The following TMPRSS2 variants were observed in gnomAD, a reference collection of about 807,000 sequenced individuals.
TMPRSS2 encodes transmembrane protease serine 2.
In TMPRSS2, 59 loss-of-function variants were observed where a neutral mutation model predicts 67.4. The observed-to-expected ratio is 0.88, with a 90% confidence interval of 0.71 to 1.09. The LOEUF (loss-of-function observed/expected upper bound fraction) is 1.09. Ranked by LOEUF, TMPRSS2 falls within the 50% of genes least tolerant of loss-of-function variation. The pLI, the probability that TMPRSS2 is intolerant of heterozygous loss-of-function variation, is 0.00. For synonymous variants in TMPRSS2, 257 were observed against 257.0 expected (o/e 1.00, Z 0.00); for missense variants, 668 against 642.7 (o/e 1.04, Z -0.43).
At chr21:41,467,912 A>G (rs977233864) in intron 12 of TMPRSS2, 26 bp from the exon 13 acceptor site, 21 of 1,613,712 alleles carry the variant, frequency 1.3e-5, no homozygotes, top group Non-Finnish European at 1.8e-5. Context: ...AGGTACAGAG[A>G]GCAGAAAATC....
chr21:41,501,109 G>A (rs555671381), intron 1 of TMPRSS2, among the ~76,000 whole-genome samples: 7 of 152,244 alleles, frequency 4.6e-5, no homozygotes, highest in Non-Finnish European at 8.8e-5. Context: ...ATTCATTCAC[G>A]ATCCCTAACA....
intron 1 of TMPRSS2, among the ~76,000 whole-genome samples, chr21:41,500,263 C>T (rs1438947695): frequency 2.0e-5 from 3 of 152,200 alleles, no homozygotes; most frequent in Non-Finnish European, 4.4e-5. Context: ...TAATGAAGTG[C>T]TTCATGCTTA....
intron 3 of TMPRSS2, among the ~76,000 whole-genome samples, chr21:41,491,636 C>T (rs963268415): frequency 6.6e-5 from 10 of 152,316 alleles, no homozygotes; most frequent in South Asian, 4.1e-4. Flanking sequence ...CACTTTCCTC[C>T]GTCTATGGCT....
In TMPRSS2 at chr21:41,505,712, G is replaced by C. The variant is rs757923255; in HGVS notation, c.-57+2369C>G. Among the ~76,000 whole-genome samples, 4 of 152,146 alleles carry C rather than the reference G, an allele frequency of 2.6e-5. No individual in the cohort carries two copies. In the East Asian group the frequency reaches 7.7e-4, roughly 29 times the overall value. ...ACAAGCCCTTTTCAATCAGGATTCC[G>C]GGCGCCTTGTTTCCAGCTTCCTTCC... On this transcript the variant is annotated intron_variant, in intron 1 of 13. Transcript: ENST00000332149.
At chr21:41,469,311 G>A (rs7278739) in intron 11 of TMPRSS2, among the ~76,000 whole-genome samples, 9,677 of 83,754 alleles carry the variant, frequency 0.12, 978 homozygotes, top group African/African-American at 0.31. Context: ...ATCCACGCCC[G>A]CACTCTGCTA....
chr21:41,476,393 C>G (rs1259172429), intron 8 of TMPRSS2, among the ~76,000 whole-genome samples, 184 bp downstream of exon 8: 2 of 152,156 alleles, frequency 1.3e-5, no homozygotes, highest in Non-Finnish European at 2.9e-5. Context: ...CTGAAGGTGT[C>G]TACAGGCCAT....
intron 9 of TMPRSS2, 76 bp downstream of exon 9, chr21:41,473,249 G>A: frequency 6.8e-7 from 1 of 1,463,880 alleles, no homozygotes; most frequent in Non-Finnish European, 9.2e-7. Flanking sequence ...TGCAAGGGTT[G>A]AGACCTGCTC....
chr21:41,471,781 C>G, intron 10 of TMPRSS2, 25 bp downstream of exon 10: 1 of 1,564,294 alleles, frequency 6.4e-7, no homozygotes, highest in East Asian at 2.3e-5. Context: ...TGCCAACCTG[C>G]TTGCCAAGCC....
chr21:41,476,678 C>CA (rs1246660159), intron 7 of TMPRSS2, 58 bp from the exon 8 acceptor site: 43 of 1,451,394 alleles, frequency 3.0e-5, no homozygotes, highest in Non-Finnish European at 7.7e-6. Context: ...CTGCCTCTCA[C>CA]ATGCTTAGAA....
At chr21:41,506,400 T>G (rs1433873943) in intron 1 of TMPRSS2, 5 of 152,326 alleles carry the variant, frequency 3.3e-5, no homozygotes, top group African/African-American at 1.2e-4. Flanking sequence ...TCCAGCCTAG[T>G]GTGTCCTTAC....
intron 5 of TMPRSS2, among the ~76,000 whole-genome samples, chr21:41,485,998 G>A (rs900214953): frequency 1.3e-5 from 2 of 152,180 alleles, no homozygotes; most frequent in Non-Finnish European, 2.9e-5. Flanking sequence ...CCTTAGGAGA[G>A]GGGGGATTAC....
At chr21:41,494,791 C>T in intron 2 of TMPRSS2, 2 of 640,674 alleles carry the variant, frequency 3.1e-6, no homozygotes, top group South Asian at 3.4e-5. Flanking sequence ...TACTACAAGG[C>T]TGGGTGCGGT....
rs185078457 is a variant in TMPRSS2, at chr21:41,464,686, C to T, written c.*1456G>A. The T allele has an allele frequency of 6.2e-4, 145 of 233,294 alleles. 1 individual carries two copies. Among genetic ancestry groups the T allele is most frequent in the Non-Finnish European group, 1.4e-4 (17 of 118,046 alleles). The allele number at this position is 233,294 out of a possible 1,614,324, so 14.5% of individuals were successfully genotyped here. On this transcript the variant is annotated 3_prime_UTR_variant, in exon 14 of 14. Transcript: ENST00000332149. ...AAGAAGGGGCAATAAAGAAGGAAGA[C>T]GTTTTCACCATTACAACACCTTTTA...
chr21:41,505,455 T>C (rs75373173), intron 1 of TMPRSS2, among the ~76,000 whole-genome samples: 10,411 of 152,282 alleles, frequency 0.068, 497 homozygotes, highest in Non-Finnish European at 0.1. Flanking sequence ...TGGTGGTTAC[T>C]GGCATAAGGT....
chr21:41,499,369 T>A (rs1381813544), intron 1 of TMPRSS2, among the ~76,000 whole-genome samples: 1 of 152,228 alleles, frequency 6.6e-6, no homozygotes, highest in Non-Finnish European at 1.5e-5. Flanking sequence ...CAAACTTATA[T>A]CAAGCTCCTG....
At chr21:41,499,736 T>C (rs1026977339) in intron 1 of TMPRSS2, among the ~76,000 whole-genome samples, 2 of 152,292 alleles carry the variant, frequency 1.3e-5, no homozygotes, top group African/African-American at 4.8e-5. Flanking sequence ...CTGGCTGTGG[T>C]CCCTGTACCT....
chr21:41,489,169 CAGG>C (rs985292811), intron 4 of TMPRSS2, among the ~76,000 whole-genome samples: 11 of 152,300 alleles, frequency 7.2e-5, no homozygotes, highest in African/African-American at 2.6e-4. Flanking sequence ...GCTGCAGTTG[CAGG>C]AGGTGGGACA....
intron 5 of TMPRSS2, among the ~76,000 whole-genome samples, chr21:41,482,435 C>T (rs551442751): frequency 3.3e-5 from 5 of 152,254 alleles, no homozygotes; most frequent in East Asian, 1.9e-4. Flanking sequence ...ATAAATGATG[C>T]GTTCAAGTAT....
At chr21:41,491,865 C>T (rs1472416927) in intron 3 of TMPRSS2, among the ~76,000 whole-genome samples, 1 of 152,320 alleles carries the variant, frequency 6.6e-6, no homozygotes, top group African/African-American at 2.4e-5. Flanking sequence ...CTTGTCACGG[C>T]TGCTGTTGCA....
Sources: gnomAD v4.1 joint callset for allele counts (sites outside exome capture counted in the v4.1 genomes callset) on GRCh38, gnomAD v4.1.1 for gene constraint, MANE v1.5 for transcripts, NCBI Gene and HGNC (gene_info 2026-07-23, HGNC 2026-07-21) for gene names.